VPS13A: variants seen among roughly 807,000 people sequenced by gnomAD.
The protein encoded by VPS13A is vacuolar protein sorting 13 homolog A, also known as intermembrane lipid transfer protein VPS13A.
VPS13A carries 264 observed loss-of-function variants against 390.9 expected under a neutral mutation model. The observed-to-expected ratio is 0.68, with a 90% CI of 0.61 to 0.75. The LOEUF is 0.75. Ranked by LOEUF, VPS13A falls within the 30% of genes least tolerant of loss-of-function variation. The probability of loss-of-function intolerance (pLI) is 0.00; values close to 1 mark genes in which losing one functional copy is unlikely to be tolerated. For synonymous variants in VPS13A, 1,231 were observed against 1,227.1 expected, an observed-to-expected ratio of 1.00 and a Z score of -0.07; for missense variants, 3,409 against 3,733.9, an observed-to-expected ratio of 0.91 and a Z score of 2.27.
At chr9:77,213,174 A>G in intron 8 of VPS13A, 60 bp from the exon 9 acceptor site, 2 of 1,568,006 alleles carry the variant, frequency 1.3e-6, no homozygotes, top group Middle Eastern at 1.7e-4. Context: ...GACTTCTGAA[A>G]ATAGTGTATG....
rs1834538098 is a variant in VPS13A, at chr9:77,405,078, AT to A, written c.9276-783del. On this transcript the variant is annotated intron_variant, in intron 69 of 71. Transcript: ENST00000360280. ...AGAAAGAAAAATTAAGAAGAAAGAC[AT>A]TTGAAGGAAGGATTAAATAGACTTC... 2.0e-5 allele frequency among the ~76,000 whole-genome samples: 3 copies of A among 152,308 alleles called. No homozygotes were observed. In the South Asian group the frequency reaches 6.2e-4, roughly 32 times the overall value.
chr9:77,415,590 TGTAA>T (rs1342069531), intron 71 of VPS13A, among the ~76,000 whole-genome samples: 5 of 152,208 alleles, frequency 3.3e-5, no homozygotes, highest in African/African-American at 1.2e-4. Flanking sequence ...TGGAATTGTG[TGTAA>T]GTATTTCTAC....
At chr9:77,340,699 G>C in intron 50 of VPS13A, 149 bp downstream of exon 50, 1 of 918,522 alleles carries the variant, frequency 1.1e-6, no homozygotes, top group Non-Finnish European at 1.6e-6. Flanking sequence ...TTTGTGCCCT[G>C]CTCTAGATAG....
At chr9:77,376,804 A>G (rs1833103916) in intron 67 of VPS13A, among the ~76,000 whole-genome samples, 1 of 152,222 alleles carries the variant, frequency 6.6e-6, no homozygotes. Flanking sequence ...AAACCATGAG[A>G]TTGGATGAGA....
chr9:77,366,657 G>A, intron 60 of VPS13A, 70 bp from the exon 61 acceptor site: 1 of 1,375,464 alleles, frequency 7.3e-7, no homozygotes, highest in South Asian at 1.3e-5. Context: ...AAATTAAACT[G>A]ATTTTTTAAG....
intron 59 of VPS13A, among the ~76,000 whole-genome samples, chr9:77,363,391 TTTTTTTTTTTTTA>T (rs1268796778): frequency 5.4e-5 from 5 of 92,974 alleles, no homozygotes; most frequent in Non-Finnish European, 8.6e-5. Flanking sequence ...ATTACATTAA[TTTTTTTTTTTTTA>T]TTTTTTTTTT....
At chr9:77,268,253 C>G (rs924764908) in intron 23 of VPS13A, among the ~76,000 whole-genome samples, 6 of 152,180 alleles carry the variant, frequency 3.9e-5, no homozygotes, top group Non-Finnish European at 8.8e-5. Context: ...CAGTTTTGTT[C>G]TTGAAACCCT....
At chr9:77,238,749 A>G (rs1232577400) in intron 19 of VPS13A, among the ~76,000 whole-genome samples, 2 of 152,150 alleles carry the variant, frequency 1.3e-5, no homozygotes, top group African/African-American at 4.8e-5. Flanking sequence ...ATTCTCTAGG[A>G]GAGTTTGAAT....
intron 19 of VPS13A, among the ~76,000 whole-genome samples, chr9:77,245,994 A>T (rs114213123): frequency 0.014 from 2,197 of 152,224 alleles, 50 homozygotes; most frequent in African/African-American, 0.05. Flanking sequence ...TCTTTTAAAC[A>T]ACAAGCTCTA....
intron 24 of VPS13A, among the ~76,000 whole-genome samples, 176 bp from the exon 25 acceptor site, chr9:77,275,322 G>A (rs1322585453): frequency 1.3e-5 from 2 of 151,942 alleles, no homozygotes; most frequent in Non-Finnish European, 2.9e-5. Context: ...GTTTAAAATG[G>A]ACAATAAAAA....
chr9:77,200,009 A>G (rs1371880485), intron 2 of VPS13A, 21 bp downstream of exon 2: 4 of 1,591,886 alleles, frequency 2.5e-6, no homozygotes, highest in Non-Finnish European at 3.4e-6. Flanking sequence ...ACTATGAAAA[A>G]TTTGTAAAGT....
At chr9:77,361,355 G>C (rs898667176) in intron 59 of VPS13A, among the ~76,000 whole-genome samples, 2 of 151,976 alleles carry the variant, frequency 1.3e-5, no homozygotes, top group Non-Finnish European at 2.9e-5. Flanking sequence ...TTTTGTGAAG[G>C]GCTTCTTTGA....
At chr9:77,217,402 C>T (rs1419821584) in intron 10 of VPS13A, among the ~76,000 whole-genome samples, 1 of 151,996 alleles carries the variant, frequency 6.6e-6, no homozygotes, top group Non-Finnish European at 1.5e-5. Context: ...TCAGTGTTTC[C>T]ATCACCTGAA....
Position 77,203,539 on chromosome 9 carries a change from C to A in VPS13A, c.188-1774C>A, listed in dbSNP as rs184371789. ...CTGGACTCAAGGGATCCTCCTACCA[C>A]AGCCACCCAAAATGCTGGGGTTACA... is the stretch of plus-strand genomic sequence containing the variant. On this transcript the variant is annotated intron_variant, in intron 3 of 71. Transcript: ENST00000360280. Among the ~76,000 whole-genome samples the A allele has an allele frequency of 3.3e-5, 5 of 152,316 alleles. No homozygotes were observed. The East Asian group carries it at 9.6e-4, about 29-fold the overall frequency.
At position 77,250,143 on chromosome 9, in the gene VPS13A, A is replaced by G. The variant is rs1250077134; in HGVS notation, c.2084A>G (p.Glu695Gly). ...GAATTACCAGATGTGAAACAAGGTG[A>G]GGCCAATCTTAAAGAGATAATGGAT... ...RSELPDVKQG[E>G]ANLKEIMDRA... Residue 695 changes from glutamate to glycine, a missense_variant, in exon 21 of 72, where the codon GAG becomes GGG. By Grantham distance (98) the Glu-to-Gly change is moderately conservative. Transcript: ENST00000360280. 1 of 1,613,846 alleles carries G rather than the reference A, an allele frequency of 6.2e-7. No individual in the cohort carries two copies. Among genetic ancestry groups the G allele is most frequent in the East Asian group, 2.2e-5 (1 of 44,830 alleles).
intron 34 of VPS13A, among the ~76,000 whole-genome samples, chr9:77,303,685 G>A (rs1034988235): frequency 1.9e-4 from 29 of 152,226 alleles, no homozygotes; most frequent in Admixed American, 7.2e-4. Flanking sequence ...AGCAAAAAAC[G>A]TGTGAGCAAA....
chr9:77,319,028 C>G (rs978356844), intron 41 of VPS13A, among the ~76,000 whole-genome samples: 1 of 151,734 alleles, frequency 6.6e-6, no homozygotes, highest in Non-Finnish European at 1.5e-5. Context: ...CTTGTCTCTA[C>G]TAAAAATACA....
At chr9:77,204,866 C>T (rs1446184697) in intron 3 of VPS13A, among the ~76,000 whole-genome samples, 1 of 152,028 alleles carries the variant, frequency 6.6e-6, no homozygotes, top group African/African-American at 2.4e-5. Context: ...TGGGTTCAAG[C>T]GATCCACCTG....
intron 21 of VPS13A, among the ~76,000 whole-genome samples, chr9:77,250,540 T>C (rs550368935): frequency 2.4e-4 from 37 of 152,162 alleles, no homozygotes; most frequent in Non-Finnish European, 5.3e-4. Flanking sequence ...ATAATAAATA[T>C]CAGTAGTGCT....
Sources: gnomAD v4.1 joint callset for allele counts (sites outside exome capture counted in the v4.1 genomes callset) on GRCh38, gnomAD v4.1.1 for gene constraint, MANE v1.5 for transcripts, NCBI Gene and HGNC (gene_info 2026-07-23, HGNC 2026-07-21) for gene names.